SHISA9: variants seen among roughly 807,000 people sequenced by gnomAD.
SHISA9 encodes the protein protein shisa-9.
SHISA9 carries 13 observed loss-of-function variants against 38.0 expected under a neutral mutation model. The ratio of observed to expected loss-of-function variants is 0.34; its 90% CI spans 0.22 to 0.54. SHISA9 has a LOEUF of 0.54. SHISA9 is among the 20% of genes least tolerant of loss of function. The pLI is 0.91. For synonymous variants in SHISA9, 275 were observed against 242.0 expected (o/e 1.14, Z -1.27); for missense variants, 538 against 575.8 (o/e 0.93, Z 0.67).
intron 2 of SHISA9, among the ~76,000 whole-genome samples, chr16:13,034,670 T>G (rs1194825922): frequency 6.6e-6 from 1 of 152,226 alleles, no homozygotes; most frequent in Non-Finnish European, 1.5e-5. Flanking sequence ...ACCTCTTGAA[T>G]TTGGTCTAGC....
At chr16:13,140,327 C>G (rs778399625) in intron 2 of SHISA9, among the ~76,000 whole-genome samples, 7 of 151,882 alleles carry the variant, frequency 4.6e-5, no homozygotes, top group Non-Finnish European at 7.4e-5. Flanking sequence ...CAGGTGCCCA[C>G]CACCACAACC....
chr16:13,176,001 A>G (rs1328997963), intron 2 of SHISA9, among the ~76,000 whole-genome samples: 2 of 152,120 alleles, frequency 1.3e-5, no homozygotes, highest in Non-Finnish European at 2.9e-5. Context: ...CTAAAGTTAC[A>G]TTTAAATGTA....
the SHISA9 span, among the ~76,000 whole-genome samples, chr16:13,307,013 T>A: frequency 6.6e-6 from 1 of 152,218 alleles, no homozygotes. Context: ...CTATTTCATT[T>A]AAAATGTTAC....
intron 2 of SHISA9, among the ~76,000 whole-genome samples, chr16:13,179,803 A>G (rs914784144): frequency 5.3e-5 from 8 of 152,224 alleles, no homozygotes; most frequent in African/African-American, 1.7e-4. Context: ...ATCAGAATCC[A>G]AAGAGGAAAG....
At chr16:13,365,139 C>G in the SHISA9 span, among the ~76,000 whole-genome samples, 1 of 152,198 alleles carries the variant, frequency 6.6e-6, no homozygotes, top group East Asian at 1.9e-4. Flanking sequence ...ATTTTCCAGA[C>G]TTTCAAAACA....
chr16:13,070,008 C>T (rs566370846), intron 2 of SHISA9, among the ~76,000 whole-genome samples: 6 of 152,138 alleles, frequency 3.9e-5, no homozygotes, highest in African/African-American at 1.2e-4. Flanking sequence ...GGTGTTTTGT[C>T]GTAGCAGCTC....
chr16:13,128,119 G>C (rs971281288), intron 2 of SHISA9, among the ~76,000 whole-genome samples: 3 of 152,074 alleles, frequency 2.0e-5, no homozygotes, highest in Non-Finnish European at 2.9e-5. Context: ...GTGTATACTG[G>C]CTGGCCCTGG....
chr16:13,192,931 G>A (rs7187632), intron 2 of SHISA9, among the ~76,000 whole-genome samples: 78,131 of 151,626 alleles, frequency 0.52, 21,430 homozygotes, highest in African/African-American at 0.71. Context: ...GGAAGAAGAG[G>A]AGGAAGAGGA....
the SHISA9 span, among the ~76,000 whole-genome samples, chr16:13,544,803 C>T: frequency 2.6e-5 from 4 of 151,874 alleles, no homozygotes; most frequent in African/African-American, 4.8e-5. Context: ...ATTCGCTGGG[C>T]GTGGTGGGGC....
At chr16:13,069,132 C>T (rs550070572) in intron 2 of SHISA9, among the ~76,000 whole-genome samples, 12 of 149,578 alleles carry the variant, frequency 8.0e-5, no homozygotes, top group African/African-American at 1.5e-4. Context: ...TGTATATGCA[C>T]ATATGTGTAC....
chr16:12,963,825 G>A (rs1049477486), intron 2 of SHISA9, among the ~76,000 whole-genome samples: 1 of 152,140 alleles, frequency 6.6e-6, no homozygotes, highest in African/African-American at 2.4e-5. Context: ...ATTTAGCCCC[G>A]AGTTAGCTTA....
intron 2 of SHISA9, among the ~76,000 whole-genome samples, chr16:12,989,725 C>T (rs765618079): frequency 1.3e-5 from 2 of 152,082 alleles, no homozygotes; most frequent in African/African-American, 2.4e-5. Context: ...ACATTTTAGA[C>T]AAATACATAA....
At chr16:13,433,903 G>C in the SHISA9 span, among the ~76,000 whole-genome samples, 1 of 152,182 alleles carries the variant, frequency 6.6e-6, no homozygotes, top group African/African-American at 2.4e-5. Flanking sequence ...GGGTTCCCTA[G>C]AGGGACAGAA....
the SHISA9 span, among the ~76,000 whole-genome samples, chr16:13,480,429 C>T: frequency 6.6e-6 from 1 of 152,164 alleles, no homozygotes. Flanking sequence ...GTAGTTCTTT[C>T]TCTAGGCTTG....
intron 2 of SHISA9, among the ~76,000 whole-genome samples, chr16:13,006,275 C>T (rs1256491214): frequency 6.6e-6 from 1 of 152,192 alleles, no homozygotes; most frequent in African/African-American, 2.4e-5. Flanking sequence ...CTCTAAGCAC[C>T]TGTTCCTTGT....
chr16:13,519,112 A>T, the SHISA9 span, among the ~76,000 whole-genome samples: 1 of 152,204 alleles, frequency 6.6e-6, no homozygotes, highest in Non-Finnish European at 1.5e-5. Flanking sequence ...AGAGAAAGAA[A>T]AAAACCTCTA....
chr16:13,367,691 TGTGC>T, the SHISA9 span, among the ~76,000 whole-genome samples: 67 of 98,586 alleles, frequency 6.8e-4, no homozygotes, highest in African/African-American at 1.9e-3. Context: ...TGTACACGCG[TGTGC>T]GTGCGCGCGC....
chr16:13,268,810 A>G, the SHISA9 span, among the ~76,000 whole-genome samples: 6 of 152,184 alleles, frequency 3.9e-5, no homozygotes, highest in Non-Finnish European at 5.9e-5. Flanking sequence ...GAAAACCACA[A>G]CTAGCTTTGT....
chr16:13,254,079 G>A, the SHISA9 span, among the ~76,000 whole-genome samples: 4 of 152,068 alleles, frequency 2.6e-5, no homozygotes, highest in Non-Finnish European at 5.9e-5. Context: ...TTGTCAGGCT[G>A]CCAATCTTTT....
Sources: allele counts gnomAD v4.1 joint callset (sites outside exome capture counted in the v4.1 genomes callset), GRCh38; gene constraint gnomAD v4.1.1; transcripts MANE v1.5; gene names NCBI Gene and HGNC (gene_info 2026-07-23, HGNC 2026-07-21).